The following CARMIL1 variants were observed in gnomAD, a reference collection of about 807,000 sequenced individuals.
CARMIL1 encodes the protein F-actin-uncapping protein LRRC16A.
CARMIL1 carries 90 observed loss-of-function variants against 177.1 expected under a neutral mutation model. The ratio of observed to expected loss-of-function variants is 0.51; its 90% CI spans 0.43 to 0.61. The LOEUF (loss-of-function observed/expected upper bound fraction) is 0.61, where lower values mean the gene tolerates loss of function less well. Ranked by LOEUF, CARMIL1 falls within the 20% of genes least tolerant of loss-of-function variation. The pLI, the probability that CARMIL1 is intolerant of heterozygous loss-of-function variation, is 0.00. For missense variants in CARMIL1, 1,380 were observed against 1,667.0 expected, an observed-to-expected ratio of 0.83 and a Z score of 3.00; for synonymous variants, 577 against 606.2, an observed-to-expected ratio of 0.95 and a Z score of 0.71.
At chr6:25,517,163 A>G (rs781312798) in intron 21 of CARMIL1, among the ~76,000 whole-genome samples, 184 bp from the exon 22 acceptor site, 1 of 152,220 alleles carries the variant, frequency 6.6e-6, no homozygotes, top group Non-Finnish European at 1.5e-5. Flanking sequence ...TGTGTTACGA[A>G]TATAATATTG....
At position 25,469,662 on chromosome 6, in the gene CARMIL1, A is replaced by T. The variant is rs1800928211; in HGVS notation, c.691-1507A>T. 2.0e-5 allele frequency among the ~76,000 whole-genome samples: 3 copies of T among 151,960 alleles called. No homozygotes were observed. In the South Asian group the frequency reaches 6.2e-4, roughly 32 times the overall value. ...AGCCTCGACATCCTGGGCTCAAGTG[A>T]TCCTCCCACCTTACCCTCCTGAGTA... On this transcript the variant is annotated intron_variant, in intron 9 of 36. Transcript: ENST00000329474.
intron 20 of CARMIL1, among the ~76,000 whole-genome samples, chr6:25,513,783 G>A (rs1244016502): frequency 1.3e-5 from 2 of 152,144 alleles, no homozygotes; most frequent in Admixed American, 6.6e-5. Context: ...GTGGAACTTG[G>A]TCATAGATTA....
chr6:25,301,454 G>A (rs1255800222), intron 2 of CARMIL1, among the ~76,000 whole-genome samples: 1 of 152,180 alleles, frequency 6.6e-6, no homozygotes, highest in South Asian at 2.1e-4. Context: ...CTGGGCAGCT[G>A]CTCATAGGGG....
At chr6:25,520,996 T>A (rs1806495426) in intron 23 of CARMIL1, among the ~76,000 whole-genome samples, 2 of 152,194 alleles carry the variant, frequency 1.3e-5, no homozygotes, top group East Asian at 3.8e-4. Context: ...CCTACTCCAC[T>A]CACACTGTGG....
chr6:25,391,561 G>C (rs957907829), intron 2 of CARMIL1, among the ~76,000 whole-genome samples: 8 of 152,186 alleles, frequency 5.3e-5, no homozygotes, highest in Non-Finnish European at 1.2e-4. Flanking sequence ...TTCTTCAGGG[G>C]CCTTGTCAGC....
chr6:25,458,348 C>T (rs1449863801), intron 8 of CARMIL1, among the ~76,000 whole-genome samples: 3 of 151,926 alleles, frequency 2.0e-5, no homozygotes, highest in Non-Finnish European at 2.9e-5. Context: ...ATTAGCTGGG[C>T]GTGGTGGCAC....
At chr6:25,337,859 G>T (rs781162175) in intron 2 of CARMIL1, among the ~76,000 whole-genome samples, 1 of 152,208 alleles carries the variant, frequency 6.6e-6, no homozygotes, top group Non-Finnish European at 1.5e-5. Context: ...CTCAGTTAAA[G>T]ATATGAAAAA....
At chr6:25,291,984 T>G (rs1223328262) in intron 2 of CARMIL1, among the ~76,000 whole-genome samples, 2 of 152,234 alleles carry the variant, frequency 1.3e-5, no homozygotes, top group Non-Finnish European at 1.5e-5. Context: ...ACAGTGTACC[T>G]CGTAGTTGTT....
intron 4 of CARMIL1, among the ~76,000 whole-genome samples, chr6:25,431,909 T>C (rs1267594587): frequency 6.6e-6 from 1 of 152,220 alleles, no homozygotes; most frequent in Non-Finnish European, 1.5e-5. Context: ...ATAGTGAACA[T>C]TGGCACTGCT....
chr6:25,507,189 A>G (rs1722794613), intron 17 of CARMIL1, among the ~76,000 whole-genome samples: 1 of 152,208 alleles, frequency 6.6e-6, no homozygotes, highest in African/African-American at 2.4e-5. Context: ...ATTCATTTAA[A>G]AGGATTTTCA....
chr6:25,473,328 G>A (rs1220178436), intron 11 of CARMIL1, among the ~76,000 whole-genome samples: 4 of 152,120 alleles, frequency 2.6e-5, no homozygotes, highest in African/African-American at 9.7e-5. Flanking sequence ...CTGACCCCAA[G>A]CAACCAAAAA....
At chr6:25,451,985 T>G (rs1167706351) in intron 8 of CARMIL1, 19 of 105,444 alleles carry the variant, frequency 1.8e-4, no homozygotes, top group South Asian at 1.1e-3. Context: ...ACTAGCATCT[T>G]GCCCCCCCCT....
chr6:25,543,301 C>T (rs1182180152), intron 26 of CARMIL1, among the ~76,000 whole-genome samples: 1 of 152,070 alleles, frequency 6.6e-6, no homozygotes, highest in African/African-American at 2.4e-5. Flanking sequence ...GCCATCTTTC[C>T]AAAGTATTAT....
chr6:25,452,608 G>A (rs2150867736), intron 8 of CARMIL1: 1 of 157,022 alleles, frequency 6.4e-6, no homozygotes, highest in Non-Finnish European at 1.4e-5. Flanking sequence ...CATAGGTACT[G>A]TTTTTATGAA....
intron 11 of CARMIL1, among the ~76,000 whole-genome samples, chr6:25,474,017 G>A (rs1801302115): frequency 6.6e-6 from 1 of 152,068 alleles, no homozygotes; most frequent in Admixed American, 6.5e-5. Flanking sequence ...TATCTCTAGT[G>A]GGACTATTTT....
At chr6:25,391,721 T>C (rs999283897) in intron 2 of CARMIL1, among the ~76,000 whole-genome samples, 15 of 152,228 alleles carry the variant, frequency 9.9e-5, no homozygotes, top group Admixed American at 9.8e-4. Flanking sequence ...AAAAACTGCA[T>C]ATGGCTAGTG....
intron 31 of CARMIL1, among the ~76,000 whole-genome samples, chr6:25,594,067 G>A (rs913905478): frequency 6.6e-6 from 1 of 152,120 alleles, no homozygotes. Flanking sequence ...AAGTCAGTGC[G>A]TGTTTCATTT....
At chr6:25,520,120 T>G in intron 22 of CARMIL1, 124 bp from the exon 23 acceptor site, 1 of 549,340 alleles carries the variant, frequency 1.8e-6, no homozygotes, top group South Asian at 3.1e-5. Flanking sequence ...CTAAATGGTC[T>G]GGTGGTTTGG....
At chr6:25,319,305 AT>A (rs1179656414) in intron 2 of CARMIL1, among the ~76,000 whole-genome samples, 2 of 152,066 alleles carry the variant, frequency 1.3e-5, no homozygotes, top group African/African-American at 4.8e-5. Context: ...AATAAAATAT[AT>A]TTTTATGATT....
Sources: gnomAD v4.1 joint callset for allele counts (sites outside exome capture counted in the v4.1 genomes callset) on GRCh38, gnomAD v4.1.1 for gene constraint, MANE v1.5 for transcripts, NCBI Gene and HGNC (gene_info 2026-07-23, HGNC 2026-07-21) for gene names.